Variants in SRPX observed in about 807,000 individuals in gnomAD.
The protein encoded by SRPX is sushi repeat containing protein X-linked, also known as sushi repeat-containing protein SRPX.
In SRPX, 24 loss-of-function variants were observed where a neutral mutation model predicts 38.1. That is an observed-to-expected ratio of 0.63 (90% confidence interval 0.46 to 0.89). The LOEUF is 0.89. SRPX is among the 40% of genes least tolerant of loss of function. The pLI, the probability that SRPX is intolerant of heterozygous loss-of-function variation, is 0.00. For missense variants in SRPX, 416 were observed against 377.8 expected, an observed-to-expected ratio of 1.10 and a Z score of -0.84; for synonymous variants, 184 against 153.8, an observed-to-expected ratio of 1.20 and a Z score of -1.45.
At chrX:38,155,612 G>A (rs990021758) in intron 8 of SRPX, among the ~76,000 whole-genome samples, 13 of 112,415 alleles carry the variant, frequency 1.2e-4, no homozygotes, top group Non-Finnish European at 2.4e-4. Flanking sequence ...ATGAATTAGT[G>A]TGGCTGTGTC....
rs900663944 is a variant in SRPX, at chrX:38,220,768, C to A, written c.25G>T (p.Ala9Ser). The A allele has an allele frequency of 1.7e-5, 19 of 1,133,965 alleles. No individual in the cohort carries two copies. The highest frequency in any genetic ancestry group is 5.1e-4 in the Middle Eastern group (2 of 3,934). The allele number at this position is 1,133,965 out of a possible 1,213,427, so 93.5% of individuals were successfully genotyped here. A position where few individuals can be genotyped will look rare whatever the true frequency, so the allele number is the denominator to read the frequency against. ...AGAGGCGGCAGCAGCAGCAGCAGCG[C>A]GGGCCGATGTGCGGGGCTCCCCATG... The part of the protein sequence containing the change: MGSPAHRP[A>S]LLLLLPPLLL... Residue 9 changes from alanine to serine, a missense_variant, in exon 1 of 10, where the codon GCG becomes TCG. Coordinates refer to ENST00000378533, the MANE Select transcript of SRPX (RefSeq NM_006307.5).
intron 2 of SRPX, among the ~76,000 whole-genome samples, chrX:38,175,341 C>T (rs755224575): frequency 4.4e-4 from 49 of 111,490 alleles, no homozygotes; most frequent in African/African-American, 1.5e-3. Flanking sequence ...TGAGGTAAGA[C>T]CGCCATCATG....
intron 1 of SRPX, among the ~76,000 whole-genome samples, chrX:38,212,772 C>A (rs181840933): frequency 9.0e-6 from 1 of 111,263 alleles, no homozygotes; most frequent in Non-Finnish European, 1.9e-5. Context: ...CAGCACCCAC[C>A]GTCACACCCT....
At chrX:38,159,128 A>C (rs73469657) in intron 7 of SRPX, among the ~76,000 whole-genome samples, 213 of 112,304 alleles carry the variant, frequency 1.9e-3, no homozygotes, top group African/African-American at 6.5e-3. Flanking sequence ...TTTTCACACT[A>C]AGATTTTGAA....
chrX:38,213,273 T>C (rs779830002), intron 1 of SRPX, among the ~76,000 whole-genome samples: 3 of 112,209 alleles, frequency 2.7e-5, no homozygotes, highest in African/African-American at 9.7e-5. Flanking sequence ...CATTCTAAAA[T>C]TGGTTGTGGT....
At chrX:38,162,630 A>G (rs937083698) in intron 5 of SRPX, among the ~76,000 whole-genome samples, 4 of 112,260 alleles carry the variant, frequency 3.6e-5, no homozygotes, top group African/African-American at 1.3e-4. Context: ...CCTGGCCAAC[A>G]TGGCAAAAAC....
At chrX:38,156,466 G>A (rs1449411928) in intron 8 of SRPX, among the ~76,000 whole-genome samples, 2 of 111,615 alleles carry the variant, frequency 1.8e-5, no homozygotes, top group African/African-American at 3.3e-5. Context: ...CTTCTGGTCC[G>A]GTCCATGGAT....
intron 9 of SRPX, chrX:38,154,133 T>C (rs1938079356): frequency 5.4e-6 from 1 of 185,167 alleles, no homozygotes; most frequent in South Asian, 2.2e-4. Flanking sequence ...CATGCTCTTC[T>C]AATAAGACCA....
At chrX:38,217,920 T>C (rs1939445718) in intron 1 of SRPX, among the ~76,000 whole-genome samples, 1 of 112,059 alleles carries the variant, frequency 8.9e-6, no homozygotes, top group Admixed American at 9.4e-5. Flanking sequence ...CAGAGGAAAA[T>C]GACCTGCTCT....
At chrX:38,160,605 A>G (rs1371848135) in intron 6 of SRPX, among the ~76,000 whole-genome samples, 1 of 111,792 alleles carries the variant, frequency 8.9e-6, no homozygotes, top group Admixed American at 9.5e-5. Flanking sequence ...CTGGTTGTAG[A>G]TGGACTCACA....
intron 1 of SRPX, among the ~76,000 whole-genome samples, chrX:38,198,017 C>T (rs1296335741): frequency 8.9e-6 from 1 of 111,948 alleles, no homozygotes; most frequent in African/African-American, 3.3e-5. Context: ...TGGGGCTCTA[C>T]AGCCCTTTCC....
chrX:38,193,250 G>T lies in SRPX; in HGVS notation c.98-14906C>A, dbSNP rs186208060. 3.8e-3 allele frequency among the ~76,000 whole-genome samples: 423 copies of T among 111,776 alleles called. 2 individuals carry two copies. Among genetic ancestry groups the T allele is most frequent in the African/African-American group, 0.013 (401 of 30,742 alleles). ...CTATCCAAAAAAGAAAGGTGGGGAG[G>T]GGGGGAAATGCAAACACACTATTTT... On this transcript the variant is annotated intron_variant, in intron 1 of 9. Coordinates refer to ENST00000378533, the MANE Select transcript of SRPX (RefSeq NM_006307.5).
rs777199934 is a variant in SRPX at position 38,220,769 on chromosome X, G to A, written c.24C>T (p.Pro8=). 2.6e-6 allele frequency: 3 copies of A among 1,134,466 alleles called. No individual in the cohort carries two copies. Among genetic ancestry groups the A allele is most frequent in the Non-Finnish European group, 3.5e-6 (3 of 863,250 alleles). 93.5% of individuals were successfully genotyped at this position (1,134,466 alleles called of 1,213,427 possible). ...GAGGCGGCAGCAGCAGCAGCAGCGC[G>A]GGCCGATGTGCGGGGCTCCCCATGG... MGSPAHR[P]ALLLLLPPLL... Residue 8 remains proline, a synonymous_variant, in exon 1 of 10, where the codon CCC becomes CCT. Transcript: ENST00000378533.
At chrX:38,204,252 T>C (rs1939171690) in intron 1 of SRPX, among the ~76,000 whole-genome samples, 1 of 112,015 alleles carries the variant, frequency 8.9e-6, no homozygotes, top group Non-Finnish European at 1.9e-5. Flanking sequence ...AAAATTTATA[T>C]GAAATTTATA....
chrX:38,202,372 T>A (rs1321644528), intron 1 of SRPX, among the ~76,000 whole-genome samples: 1 of 111,100 alleles, frequency 9.0e-6, no homozygotes, highest in Non-Finnish European at 1.9e-5. Flanking sequence ...GTACAGTGAG[T>A]GGGATAAAAC....
chrX:38,158,929 G>A (rs1312707659), intron 7 of SRPX, among the ~76,000 whole-genome samples: 1 of 110,935 alleles, frequency 9.0e-6, no homozygotes, highest in Non-Finnish European at 1.9e-5. Context: ...GCAGTGAACC[G>A]AGATCGCGCC....
chrX:38,204,998 G>A (rs777320521), intron 1 of SRPX, among the ~76,000 whole-genome samples: 5 of 111,529 alleles, frequency 4.5e-5, no homozygotes, highest in African/African-American at 1.6e-4. Context: ...GCCTGGTTTG[G>A]AAAAGCATGG....
intron 1 of SRPX, among the ~76,000 whole-genome samples, chrX:38,216,777 T>G (rs1391507015): frequency 8.9e-6 from 1 of 112,246 alleles, no homozygotes; most frequent in African/African-American, 3.2e-5. Context: ...GAAAGGGGAA[T>G]TGACGTAGCA....
At chrX:38,204,551 A>G (rs1211771555) in intron 1 of SRPX, among the ~76,000 whole-genome samples, 3 of 112,245 alleles carry the variant, frequency 2.7e-5, no homozygotes, top group African/African-American at 9.7e-5. Flanking sequence ...AATTTTTTTT[A>G]TTCCAGAAAT....
Sources: allele counts gnomAD v4.1 joint callset (sites outside exome capture counted in the v4.1 genomes callset), GRCh38; gene constraint gnomAD v4.1.1; transcripts MANE v1.5; gene names NCBI Gene and HGNC (gene_info 2026-07-23, HGNC 2026-07-21).